The following DLC1 variants were observed in gnomAD, a reference collection of about 807,000 sequenced individuals.
DLC1 encodes the protein DLC1 Rho GTPase activating protein.
Under a neutral mutation model 140.3 loss-of-function variants are expected in DLC1, and 54 were observed. The observed-to-expected ratio is 0.38, with a 90% CI of 0.31 to 0.48. The LOEUF (loss-of-function observed/expected upper bound fraction) is 0.48, where lower values mean the gene tolerates loss of function less well. Among genes scored for constraint, DLC1 ranks in the 20% least tolerant of loss-of-function variants. DLC1 has a pLI of 0.96. For synonymous variants in DLC1, 986 were observed against 728.1 expected (o/e 1.35, Z -5.70); for missense variants, 2,536 against 1,907.0 (o/e 1.33, Z -6.14).
intron 5 of DLC1, among the ~76,000 whole-genome samples, chr8:13,145,417 G>A (rs187400399): frequency 2.6e-5 from 4 of 152,264 alleles, no homozygotes; most frequent in East Asian, 1.9e-4. Context: ...ATGAGAACTC[G>A]TGTATATTTC....
chr8:13,338,011 A>G (rs1377418635), intron 4 of DLC1, among the ~76,000 whole-genome samples: 1 of 152,218 alleles, frequency 6.6e-6, no homozygotes, highest in Non-Finnish European at 1.5e-5. Flanking sequence ...GTTCCTAGCC[A>G]GATAGTATAG....
chr8:13,382,923 C>G (rs1836340903), intron 4 of DLC1, among the ~76,000 whole-genome samples: 1 of 152,146 alleles, frequency 6.6e-6, no homozygotes. Flanking sequence ...GTAACTGTGA[C>G]TTTTGTGTAA....
intron 5 of DLC1, among the ~76,000 whole-genome samples, chr8:13,198,044 C>A (rs761930955): frequency 5.3e-5 from 8 of 150,796 alleles, no homozygotes; most frequent in Non-Finnish European, 1.2e-4. Flanking sequence ...CCTAGGAGCT[C>A]AAAGTTGCTC....
intron 5 of DLC1, among the ~76,000 whole-genome samples, chr8:13,251,758 G>T (rs147462724): frequency 7.6e-4 from 115 of 152,130 alleles, no homozygotes; most frequent in African/African-American, 2.6e-3. Context: ...TTTAAAATGG[G>T]GGATAATCCC....
chr8:13,523,040 G>C (rs947290915), intron 1 of DLC1, among the ~76,000 whole-genome samples: 1 of 152,196 alleles, frequency 6.6e-6, no homozygotes, highest in African/African-American at 2.4e-5. Flanking sequence ...GTTAGGTAGT[G>C]TCTTGTAAGT....
intron 5 of DLC1, among the ~76,000 whole-genome samples, chr8:13,162,030 A>G (rs1487749260): frequency 6.6e-6 from 1 of 152,240 alleles, no homozygotes; most frequent in Non-Finnish European, 1.5e-5. Flanking sequence ...TCAACAGAAT[A>G]AAAGTACAGC....
intron 5 of DLC1, among the ~76,000 whole-genome samples, chr8:13,238,469 C>T (rs117730484): frequency 0.094 from 14,223 of 151,682 alleles, 778 homozygotes; most frequent in South Asian, 0.15. Flanking sequence ...GCCACGTTCA[C>T]GCCACTGCAC....
rs369660947 is a variant in DLC1, at chr8:13,099,866, T to C, written c.2471A>G (p.Asn824Ser). The change falls in exon 9 of 18, where the codon AAT becomes AGT. Residue 824 changes from asparagine to serine, a missense_variant. By Grantham distance (46) the Asn-to-Ser change is conservative. Coordinates refer to ENST00000276297, the MANE Select transcript of DLC1 (RefSeq NM_182643.3). ...KPGTFPKALT[N>S]GSFSPSGNNG... ...ATTCCCCGAGGGGGAGAAACTGCCATTGGTGAGAGCTTTGGGGAAAGTGCC... is the reference window on the plus strand; with the variant it reads ...ATTCCCCGAGGGGGAGAAACTGCCACTGGTGAGAGCTTTGGGGAAAGTGCC... 1.8e-4 allele frequency: 297 copies of C among 1,614,048 alleles called. No homozygotes were observed. The highest frequency in any genetic ancestry group is 3.3e-4 in the Middle Eastern group (2 of 6,084).
chr8:13,336,459 C>G (rs1441083646), intron 4 of DLC1, among the ~76,000 whole-genome samples: 2 of 152,156 alleles, frequency 1.3e-5, no homozygotes, highest in Admixed American at 6.5e-5. Flanking sequence ...TTATTTTTCT[C>G]AAAGCATGAG....
At chr8:13,585,364 G>C (rs1468896279) in intron 1 of DLC1, among the ~76,000 whole-genome samples, 4 of 151,952 alleles carry the variant, frequency 2.6e-5, no homozygotes, top group Non-Finnish European at 5.9e-5. Context: ...AGAAGATCAA[G>C]ACCAGACTAG....
intron 1 of DLC1, among the ~76,000 whole-genome samples, chr8:13,521,072 T>TA (rs1802751303): frequency 6.6e-6 from 1 of 151,954 alleles, no homozygotes; most frequent in South Asian, 2.1e-4. Flanking sequence ...TTTGCAGCCA[T>TA]AAAAAGGAAC....
At chr8:13,404,733 C>T (rs753424510) in intron 2 of DLC1, among the ~76,000 whole-genome samples, 53 of 151,978 alleles carry the variant, frequency 3.5e-4, no homozygotes, top group Non-Finnish European at 4.0e-4. Context: ...CATGGTGGCT[C>T]ACGCCTATAA....
chr8:13,284,719 A>C (rs894487227), intron 5 of DLC1, among the ~76,000 whole-genome samples: 1 of 152,184 alleles, frequency 6.6e-6, no homozygotes, highest in African/African-American at 2.4e-5. Context: ...AATATACAAA[A>C]TCAATTGTAT....
chr8:13,488,519 A>T (rs1025182551), intron 2 of DLC1, among the ~76,000 whole-genome samples: 5 of 152,196 alleles, frequency 3.3e-5, no homozygotes, highest in African/African-American at 1.2e-4. Context: ...AAAACAGAAC[A>T]GTTAAAATGC....
In DLC1 at chr8:13,481,068, A is replaced by C. The variant is rs540868989; in HGVS notation, c.1023+17981T>G. Among the ~76,000 whole-genome samples the C allele has an allele frequency of 1.6e-4, 25 of 152,340 alleles. No homozygotes were observed. In the South Asian group the frequency reaches 4.8e-3, roughly 29 times the overall value. On this transcript the variant is annotated intron_variant, in intron 2 of 17. Coordinates refer to ENST00000276297, the MANE Select transcript of DLC1 (RefSeq NM_182643.3). Reference sequence around the variant, plus strand: ...ATAAAGGAAATGAGTATGAGAGATCATAATTCTCTACGCTTTTGAAATGGA... The same window carrying C: ...ATAAAGGAAATGAGTATGAGAGATCCTAATTCTCTACGCTTTTGAAATGGA...
At chr8:13,153,232 C>T (rs778764858) in intron 5 of DLC1, among the ~76,000 whole-genome samples, 16 of 152,136 alleles carry the variant, frequency 1.1e-4, no homozygotes, top group Non-Finnish European at 2.4e-4. Context: ...TTCGTGGTCT[C>T]GCAGGCTTCT....
intron 5 of DLC1, among the ~76,000 whole-genome samples, chr8:13,158,121 T>C (rs1824395119): frequency 1.3e-5 from 2 of 152,198 alleles, no homozygotes; most frequent in Admixed American, 6.5e-5. Context: ...AGAGGTCACA[T>C]TTTTATTGGT....
At chr8:13,133,393 G>A in intron 5 of DLC1, 1 of 853,324 alleles carries the variant, frequency 1.2e-6, no homozygotes, top group Non-Finnish European at 1.4e-6. Context: ...CTGGGTCGCA[G>A]GCCTTAGCGA....
At chr8:13,149,527 A>G (rs1823661086) in intron 5 of DLC1, among the ~76,000 whole-genome samples, 1 of 152,120 alleles carries the variant, frequency 6.6e-6, no homozygotes, top group Non-Finnish European at 1.5e-5. Context: ...CTCTGTGTCT[A>G]TTCCTCATCT....
Sources: allele counts gnomAD v4.1 joint callset (sites outside exome capture counted in the v4.1 genomes callset), GRCh38; gene constraint gnomAD v4.1.1; transcripts MANE v1.5; gene names NCBI Gene and HGNC (gene_info 2026-07-23, HGNC 2026-07-21).